Variants in MBOAT2 observed in about 807,000 individuals in gnomAD.
MBOAT2 encodes membrane-bound glycerophospholipid O-acyltransferase 2.
In MBOAT2, 28 loss-of-function variants were observed where a neutral mutation model predicts 63.4. The observed-to-expected ratio is 0.44, with a 90% CI of 0.33 to 0.61. The LOEUF (loss-of-function observed/expected upper bound fraction) is 0.61. Ranked by LOEUF, MBOAT2 falls within the 20% of genes least tolerant of loss-of-function variation. The pLI, the probability that MBOAT2 is intolerant of heterozygous loss-of-function variation, is 0.03. For synonymous variants in MBOAT2, 211 were observed against 215.6 expected (o/e 0.98, Z 0.19); for missense variants, 470 against 605.8 (o/e 0.78, Z 2.35).
intron 6 of MBOAT2, among the ~76,000 whole-genome samples, chr2:8,881,088 G>A (rs1663093327): frequency 6.6e-6 from 1 of 152,206 alleles, no homozygotes; most frequent in African/African-American, 2.4e-5. Flanking sequence ...GAGTGAACAG[G>A]CAGGAGTAAC....
chr2:8,919,869 C>CT (rs1162993096), intron 3 of MBOAT2, among the ~76,000 whole-genome samples: 1 of 152,088 alleles, frequency 6.6e-6, no homozygotes, highest in East Asian at 1.9e-4. Flanking sequence ...ATCTCCCTGC[C>CT]TTAGCCTCCC....
chr2:8,893,423 A>T (rs777126805), intron 4 of MBOAT2, among the ~76,000 whole-genome samples: 1 of 152,180 alleles, frequency 6.6e-6, no homozygotes, highest in Non-Finnish European at 1.5e-5. Flanking sequence ...TGTGGAAAAC[A>T]AGGAAGTTAT....
chr2:8,909,127 C>T (rs1406783907), intron 3 of MBOAT2, among the ~76,000 whole-genome samples: 3 of 152,174 alleles, frequency 2.0e-5, no homozygotes, highest in Non-Finnish European at 4.4e-5. Flanking sequence ...CCTCGATAGT[C>T]TAAAAGCATA....
chr2:8,866,627 T>C (rs1015034912), intron 9 of MBOAT2, among the ~76,000 whole-genome samples: 1 of 152,250 alleles, frequency 6.6e-6, no homozygotes, highest in Non-Finnish European at 1.5e-5. Flanking sequence ...AATCCCCCTT[T>C]GTATTCAAAT....
At chr2:8,903,038 G>A (rs1665076274) in intron 4 of MBOAT2, among the ~76,000 whole-genome samples, 1 of 152,140 alleles carries the variant, frequency 6.6e-6, no homozygotes, top group Non-Finnish European at 1.5e-5. Context: ...GGTAGACACA[G>A]AATGCTGATT....
chr2:8,925,374 G>A (rs1423189525), intron 3 of MBOAT2, among the ~76,000 whole-genome samples: 2 of 152,180 alleles, frequency 1.3e-5, no homozygotes, highest in East Asian at 3.8e-4. Context: ...AAATAATTCT[G>A]AAAAGCACTT....
chr2:8,860,387 C>A (rs1661410140), intron 12 of MBOAT2, among the ~76,000 whole-genome samples: 3 of 152,200 alleles, frequency 2.0e-5, no homozygotes, highest in Admixed American at 6.5e-5. Flanking sequence ...GGTTACCTGG[C>A]TGATATTTCT....
At chr2:8,864,078 G>T in intron 10 of MBOAT2, 92 bp downstream of exon 10, 1 of 871,748 alleles carries the variant, frequency 1.1e-6, no homozygotes, top group Non-Finnish European at 1.8e-6. Flanking sequence ...ACTCAACACC[G>T]TTAATTTAAT....
intron 4 of MBOAT2, among the ~76,000 whole-genome samples, chr2:8,888,288 A>G (rs1663714056): frequency 6.6e-6 from 1 of 152,198 alleles, no homozygotes; most frequent in Non-Finnish European, 1.5e-5. Context: ...GAGGCTTCAA[A>G]AAATGAAAAA....
At chr2:8,884,485 TA>T (rs58668120) in intron 5 of MBOAT2, among the ~76,000 whole-genome samples, 79 of 142,426 alleles carry the variant, frequency 5.5e-4, no homozygotes, top group South Asian at 6.7e-4. Context: ...ACCTTTTCCT[TA>T]AAAAAAAAAA....
At chr2:8,983,863 A>C (rs577371524) in intron 1 of MBOAT2, among the ~76,000 whole-genome samples, 1 of 152,208 alleles carries the variant, frequency 6.6e-6, no homozygotes, top group Non-Finnish European at 1.5e-5. Flanking sequence ...TGTGAATTTA[A>C]TATTGTTTTA....
At chr2:8,884,511 T>C (rs1459019872) in intron 5 of MBOAT2, among the ~76,000 whole-genome samples, 4 of 152,078 alleles carry the variant, frequency 2.6e-5, no homozygotes, top group African/African-American at 9.7e-5. Flanking sequence ...GAGCCATCTT[T>C]AGAAATGAGG....
intron 2 of MBOAT2, among the ~76,000 whole-genome samples, chr2:8,955,093 G>A (rs1669119649): frequency 6.6e-6 from 1 of 152,200 alleles, no homozygotes; most frequent in Non-Finnish European, 1.5e-5. Context: ...TTCTGGCTAT[G>A]GAGGCCCCTA....
intron 4 of MBOAT2, among the ~76,000 whole-genome samples, chr2:8,899,259 C>T (rs1219056251): frequency 1.3e-5 from 2 of 152,166 alleles, no homozygotes; most frequent in Non-Finnish European, 2.9e-5. Flanking sequence ...CTAATATATC[C>T]CTCCCTAATA....
intron 6 of MBOAT2, among the ~76,000 whole-genome samples, chr2:8,882,024 C>T (rs1239377440): frequency 6.6e-6 from 1 of 152,076 alleles, no homozygotes; most frequent in East Asian, 1.9e-4. Context: ...AAGCTTATCC[C>T]AGAATGAATT....
intron 4 of MBOAT2, among the ~76,000 whole-genome samples, chr2:8,893,091 G>A (rs1664136348): frequency 7.1e-6 from 1 of 140,546 alleles, no homozygotes; most frequent in Non-Finnish European, 1.6e-5. Flanking sequence ...GCAGGGGGAG[G>A]GGGTGGGGGA....
chr2:8,952,064 T>C (rs1465992702), intron 2 of MBOAT2, among the ~76,000 whole-genome samples: 1 of 152,256 alleles, frequency 6.6e-6, no homozygotes, highest in Non-Finnish European at 1.5e-5. Context: ...TTTAACACTG[T>C]ATACTTTCCT....
intron 3 of MBOAT2, among the ~76,000 whole-genome samples, chr2:8,912,371 AAGAG>A (rs869060979): frequency 2.5e-5 from 2 of 79,058 alleles, no homozygotes; most frequent in East Asian, 3.3e-4. Context: ...GAAAGAAAGA[AAGAG>A]AAAGAAAGAA....
intron 1 of MBOAT2, among the ~76,000 whole-genome samples, chr2:8,986,135 A>C (rs1168541078): frequency 6.6e-6 from 1 of 151,628 alleles, no homozygotes. Context: ...CATGAGAAAA[A>C]CATTCAATAA....
Sources: allele counts gnomAD v4.1 joint callset (sites outside exome capture counted in the v4.1 genomes callset), GRCh38; gene constraint gnomAD v4.1.1; transcripts MANE v1.5; gene names NCBI Gene and HGNC (gene_info 2026-07-23, HGNC 2026-07-21).